SEC11A: variants seen among roughly 807,000 people sequenced by gnomAD.
SEC11A encodes signal peptidase complex catalytic subunit SEC11A.
In SEC11A, 14 loss-of-function variants were observed where a neutral mutation model predicts 25.6. That is an observed-to-expected ratio of 0.55 (90% CI 0.36 to 0.85). The LOEUF (loss-of-function observed/expected upper bound fraction) is 0.85. Ranked by LOEUF, SEC11A falls within the 40% of genes least tolerant of loss-of-function variation. SEC11A has a pLI of 0.01. For missense variants in SEC11A, 153 were observed against 222.9 expected, an observed-to-expected ratio of 0.69 and a Z score of 2.00; for synonymous variants, 83 against 76.4, an observed-to-expected ratio of 1.09 and a Z score of -0.45.
chr15:84,692,849 T>C (rs1199715565), intron 1 of SEC11A, among the ~76,000 whole-genome samples: 1 of 152,184 alleles, frequency 6.6e-6, no homozygotes, highest in Non-Finnish European at 1.5e-5. Flanking sequence ...TAATATAAAG[T>C]GAAAAAACAG....
intron 1 of SEC11A, among the ~76,000 whole-genome samples, chr15:84,714,141 G>A (rs1009506280): frequency 6.7e-6 from 1 of 148,394 alleles, no homozygotes; most frequent in African/African-American, 2.5e-5. Context: ...TCAGCCTCCT[G>A]AGTAGCTGGA....
At chr15:84,691,773 A>G in intron 1 of SEC11A, 129 bp from the exon 2 acceptor site, 3 of 538,082 alleles carry the variant, frequency 5.6e-6, no homozygotes, top group Middle Eastern at 5.4e-4. Flanking sequence ...ACATTCTTTA[A>G]TACATTATAA....
intron 1 of SEC11A, among the ~76,000 whole-genome samples, chr15:84,704,765 T>C (rs916798869): frequency 3.9e-5 from 6 of 152,142 alleles, no homozygotes; most frequent in Non-Finnish European, 8.8e-5. Context: ...CCATGATAGG[T>C]TGCATGTTCC....
intron 1 of SEC11A, among the ~76,000 whole-genome samples, chr15:84,705,832 G>C (rs1412675255): frequency 2.0e-5 from 3 of 151,542 alleles, no homozygotes; most frequent in Non-Finnish European, 2.9e-5. Context: ...TCCAGCCTGG[G>C]CAAGAGAGCG....
Position 84,669,962 on chromosome 15 carries a change from C to A in SEC11A, c.*57G>T. ...CACCAATCACAGACCAGTATCTACT[C>A]CAAACATCCAGTAACGAAAACTATG... On this transcript the variant is annotated 3_prime_UTR_variant, in exon 6 of 6. Coordinates refer to ENST00000268220, the MANE Select transcript of SEC11A (RefSeq NM_014300.4). The A allele has an allele frequency of 6.2e-7, 1 of 1,611,626 alleles. No individual in the cohort carries two copies.
chr15:84,715,481 G>C (rs964812234), intron 1 of SEC11A, among the ~76,000 whole-genome samples: 1 of 152,310 alleles, frequency 6.6e-6, no homozygotes, highest in South Asian at 2.1e-4. Flanking sequence ...AGGGCAAGTA[G>C]TGTAACTGTT....
chr15:84,699,881 A>G (rs1422252657), intron 1 of SEC11A, among the ~76,000 whole-genome samples: 3 of 152,018 alleles, frequency 2.0e-5, no homozygotes, highest in Non-Finnish European at 4.4e-5. Flanking sequence ...AAAAACAACC[A>G]TCTAAAAGCA....
chr15:84,679,412 G>T (rs1897226763), intron 4 of SEC11A: 3 of 327,046 alleles, frequency 9.2e-6, no homozygotes, highest in African/African-American at 4.2e-5. Context: ...TACCTGTTCT[G>T]ATCTGATCTC....
intron 1 of SEC11A, among the ~76,000 whole-genome samples, chr15:84,709,851 T>C (rs1251672445): frequency 6.6e-6 from 1 of 152,212 alleles, no homozygotes; most frequent in Non-Finnish European, 1.5e-5. Flanking sequence ...CAAGTGATTC[T>C]TGTGCCTCAG....
intron 5 of SEC11A, 181 bp downstream of exon 5, chr15:84,670,544 A>AT (rs745508199): frequency 0.04 from 12,802 of 323,984 alleles, no homozygotes; most frequent in South Asian, 0.055. Context: ...CAGGCTAATA[A>AT]TTTTTTTTTT....
intron 3 of SEC11A, among the ~76,000 whole-genome samples, chr15:84,681,368 G>A (rs951892796): frequency 2.0e-5 from 3 of 152,122 alleles, no homozygotes; most frequent in Non-Finnish European, 2.9e-5. Context: ...GGTGGCTCAC[G>A]CCTGTAATCC....
At chr15:84,670,209 T>C (rs941177367) in intron 5 of SEC11A, 140 bp from the exon 6 acceptor site, 156 of 729,200 alleles carry the variant, frequency 2.1e-4, no homozygotes, top group Admixed American at 1.4e-3. Context: ...ATAATCCATT[T>C]AAAAGTTTCC....
intron 4 of SEC11A, among the ~76,000 whole-genome samples, chr15:84,678,124 G>A (rs1251709745): frequency 6.6e-6 from 1 of 152,060 alleles, no homozygotes; most frequent in African/African-American, 2.4e-5. Flanking sequence ...TTGAACCTGA[G>A]AGGCAGAGGT....
At chr15:84,679,696 A>T (rs1490250659) in intron 4 of SEC11A, among the ~76,000 whole-genome samples, 1 of 152,230 alleles carries the variant, frequency 6.6e-6, no homozygotes, top group Non-Finnish European at 1.5e-5. Flanking sequence ...CTATGCAGCC[A>T]GCCACTTACG....
intron 2 of SEC11A, 113 bp from the exon 3 acceptor site, chr15:84,687,887 C>A: frequency 2.4e-6 from 2 of 826,172 alleles, no homozygotes; most frequent in Non-Finnish European, 1.8e-6. Context: ...TACTCAATAC[C>A]CTAACAACTA....
chr15:84,670,610 G>A (rs1468647205), intron 5 of SEC11A, 115 bp downstream of exon 5: 3 of 557,772 alleles, frequency 5.4e-6, no homozygotes, highest in Non-Finnish European at 9.6e-6. Context: ...GAACTCCTGG[G>A]CTCAAGCGAT....
intron 1 of SEC11A, among the ~76,000 whole-genome samples, chr15:84,710,573 G>A (rs1356199338): frequency 6.6e-6 from 1 of 152,176 alleles, no homozygotes; most frequent in Non-Finnish European, 1.5e-5. Flanking sequence ...GGAGGCAGAG[G>A]TTGCAGTTGA....
At chr15:84,677,402 A>G (rs905195866) in intron 4 of SEC11A, among the ~76,000 whole-genome samples, 1 of 152,048 alleles carries the variant, frequency 6.6e-6, no homozygotes, top group African/African-American at 2.4e-5. Context: ...TAACAGCTCA[A>G]AATGGTCTAT....
intron 3 of SEC11A, 59 bp downstream of exon 3, chr15:84,687,566 A>T: frequency 7.1e-7 from 1 of 1,412,912 alleles, no homozygotes; most frequent in Non-Finnish European, 9.4e-7. Context: ...TCAAAACTAA[A>T]TACCACAAAC....
Sources: gnomAD v4.1 joint callset for allele counts (sites outside exome capture counted in the v4.1 genomes callset) on GRCh38, gnomAD v4.1.1 for gene constraint, MANE v1.5 for transcripts, NCBI Gene and HGNC (gene_info 2026-07-23, HGNC 2026-07-21) for gene names.